ZSWIM5: variants seen among roughly 807,000 people sequenced by gnomAD.
The protein encoded by ZSWIM5 is zinc finger SWIM-type containing 5.
In ZSWIM5, 55 loss-of-function variants were observed where a neutral mutation model predicts 119.6. That is an observed-to-expected ratio of 0.46 (90% CI 0.37 to 0.58). The LOEUF is 0.58. Ranked by LOEUF, ZSWIM5 falls within the 20% of genes least tolerant of loss-of-function variation. ZSWIM5 has a pLI of 0.00. For missense variants in ZSWIM5, 1,193 were observed against 1,512.8 expected (o/e 0.79, Z 3.51); for synonymous variants, 537 against 606.9 (o/e 0.88, Z 1.69).
chr1:45,045,104 G>A (rs556460884), intron 5 of ZSWIM5, among the ~76,000 whole-genome samples: 20 of 151,616 alleles, frequency 1.3e-4, no homozygotes, highest in Non-Finnish European at 2.6e-4. Flanking sequence ...AGGGCTGCAG[G>A]GAAACCAAAA....
intron 1 of ZSWIM5, among the ~76,000 whole-genome samples, chr1:45,104,906 G>A (rs1011474573): frequency 4.6e-5 from 7 of 152,328 alleles, no homozygotes; most frequent in African/African-American, 7.2e-5. Flanking sequence ...TGAGGCTTCC[G>A]AAGCCCAGGT....
chr1:45,073,490 C>A (rs1645237128), intron 2 of ZSWIM5, among the ~76,000 whole-genome samples: 1 of 151,468 alleles, frequency 6.6e-6, no homozygotes, highest in South Asian at 2.1e-4. Flanking sequence ...AACTCCTGAC[C>A]TTAGGTGATC....
chr1:45,089,796 G>C (rs1342843152), intron 1 of ZSWIM5, among the ~76,000 whole-genome samples: 3 of 152,022 alleles, frequency 2.0e-5, no homozygotes, highest in Admixed American at 1.3e-4. Flanking sequence ...AACACAGTGA[G>C]ACCCTGTCTC....
Position 45,040,449 on chromosome 1 carries a change from T to G in ZSWIM5, c.1699A>C (p.Asn567His), listed in dbSNP as rs1221691793. ...CGCTGCTGCTGCAACCTCAGAGTAT[T>G]AATAATGGCCACTGTGAGTCTGAGG... is the stretch of plus-strand genomic sequence containing the variant. ...EALRLTVAIINTLRLQQQRQL... is the reference protein window; with the variant it reads ...EALRLTVAIIHTLRLQQQRQL... Residue 567 changes from asparagine to histidine, a missense_variant, in exon 7 of 14, where the codon AAT (asparagine) becomes CAT (histidine). By Grantham distance (68) the Asn-to-His change is moderately conservative. Transcript: ENST00000359600. The G allele has an allele frequency of 1.4e-5, 23 of 1,612,116 alleles. No individual in the cohort carries two copies. The highest frequency in any genetic ancestry group is 2.0e-5 in the Non-Finnish European group (23 of 1,179,224).
chr1:45,048,957 C>G (rs372360923), intron 5 of ZSWIM5, among the ~76,000 whole-genome samples: 3 of 152,186 alleles, frequency 2.0e-5, no homozygotes, highest in African/African-American at 2.4e-5. Context: ...CCTGTCTCTA[C>G]AAAAAATACA....
At chr1:45,165,506 C>CA (rs1285731200) in intron 1 of ZSWIM5, among the ~76,000 whole-genome samples, 20 of 151,900 alleles carry the variant, frequency 1.3e-4, no homozygotes, top group Non-Finnish European at 2.5e-4. Context: ...AAAAACCCTT[C>CA]AAAAAATCAA....
At position 45,088,459 on chromosome 1, in the gene ZSWIM5, C is replaced by T. The variant is rs1434809261; in HGVS notation, c.596-222G>A. On this transcript the variant is annotated intron_variant, in intron 1 of 13. Coordinates refer to ENST00000359600, the MANE Select transcript of ZSWIM5 (RefSeq NM_020883.2). This position sits in a 1 kb window ranked among gnomAD's most constrained non-coding sequence, Gnocchi z 4.2. ...TCCTCACCCTGGAGTTCGTGAACCTCCTGAACTCACACTGATATGAAAACT... is the reference window on the plus strand; with the variant it reads ...TCCTCACCCTGGAGTTCGTGAACCTTCTGAACTCACACTGATATGAAAACT... Among the ~76,000 whole-genome samples, 1 of 152,196 alleles carries T rather than the reference C, an allele frequency of 6.6e-6. No individual in the cohort carries two copies. Among genetic ancestry groups the T allele is most frequent in the Non-Finnish European group, 1.5e-5 (1 of 68,036 alleles).
chr1:45,147,843 A>C (rs1645771999), intron 1 of ZSWIM5, among the ~76,000 whole-genome samples: 1 of 152,132 alleles, frequency 6.6e-6, no homozygotes, highest in African/African-American at 2.4e-5. Context: ...CTTTTTAATG[A>C]ACTCCAAAAA....
chr1:45,170,771 T>A (rs1026150922), intron 1 of ZSWIM5, among the ~76,000 whole-genome samples: 2 of 149,030 alleles, frequency 1.3e-5, no homozygotes, highest in Non-Finnish European at 3.0e-5. Context: ...TGAGATGGGG[T>A]CTTGCTTTGT....
At position 45,206,387 on chromosome 1, in the gene ZSWIM5, C is replaced by G; in HGVS notation, c.-37G>C. ...GACTGACTGACTGAGGCGGCGGCGG[C>G]TGCTCGGGCTGCGGCGGAGACCCTG... On this transcript the variant is annotated 5_prime_UTR_variant, in exon 1 of 14. Transcript: ENST00000359600. 1 of 1,354,338 alleles carries G rather than the reference C, an allele frequency of 7.4e-7. No individual in the cohort carries two copies. The highest frequency in any genetic ancestry group is 9.5e-7 in the Non-Finnish European group (1 of 1,056,560). 83.9% of individuals were successfully genotyped at this position (1,354,338 alleles called of 1,614,324 possible). A position where few individuals can be genotyped will look rare whatever the true frequency, so the allele number is the denominator to read the frequency against.
rs1359336950 is a variant in ZSWIM5 at position 45,060,176 on chromosome 1, T to C, written c.1024A>G (p.Lys342Glu). The C allele has an allele frequency of 6.2e-7, 1 of 1,614,178 alleles. No individual in the cohort carries two copies. Among genetic ancestry groups the C allele is most frequent in the African/African-American group, 1.3e-5 (1 of 75,048 alleles). ...NCWHLDEEQV[K>E]EQVKLFLSQG... ...GAGAGAAAAAGCTTCACTTGTTCTTTCACCTGTTCTTCATCCAAATGCCAA... is the reference window on the plus strand; with the variant it reads ...GAGAGAAAAAGCTTCACTTGTTCTTCCACCTGTTCTTCATCCAAATGCCAA... Residue 342 changes from lysine to glutamate, a missense_variant, in exon 3 of 14, where the codon AAA (lysine) becomes GAA (glutamate). By Grantham distance (56) the Lys-to-Glu change is moderately conservative. Around this residue, in one of 2 missense-constraint regions of ZSWIM5, gnomAD observed 961 missense variants for 1,290.0 expected, o/e 0.74. Coordinates refer to ENST00000359600, the MANE Select transcript of ZSWIM5 (RefSeq NM_020883.2).
At chr1:45,032,715 G>A (rs1250838209) in intron 11 of ZSWIM5, among the ~76,000 whole-genome samples, 1 of 151,584 alleles carries the variant, frequency 6.6e-6, no homozygotes, top group Non-Finnish European at 1.5e-5. Flanking sequence ...TCAAACTCCT[G>A]ATCTCAAGTG....
At position 45,058,469 on chromosome 1, in the gene ZSWIM5, G is replaced by A. The variant is rs1557751554; in HGVS notation, c.1252+140C>T. The A allele has an allele frequency of 5.3e-6, 5 of 943,288 alleles. No homozygotes were observed. In the South Asian group the frequency reaches 8.4e-5, roughly 16 times the overall value. The allele number at this position is 943,288 out of a possible 1,614,324, so 58.4% of individuals were successfully genotyped here. A position where few individuals can be genotyped will look rare whatever the true frequency, so the allele number is the denominator to read the frequency against. On this transcript the variant is annotated intron_variant, in intron 4 of 13. Transcript: ENST00000359600. Reference sequence around the variant, plus strand: ...AAAAGTGAGTTCAGTGTTACTCTGGGTGGCCTCTGTAGAACCTAAGTCTTC... The same window carrying A: ...AAAAGTGAGTTCAGTGTTACTCTGGATGGCCTCTGTAGAACCTAAGTCTTC...
intron 1 of ZSWIM5, among the ~76,000 whole-genome samples, chr1:45,195,690 T>C (rs61789774): frequency 0.069 from 10,453 of 152,158 alleles, 453 homozygotes; most frequent in Non-Finnish European, 0.1. Flanking sequence ...GAGACATTCT[T>C]TGAGTAGTTA....
chr1:45,060,062 G>A (rs752816838), intron 3 of ZSWIM5, 37 bp downstream of exon 3: 1 of 1,611,914 alleles, frequency 6.2e-7, no homozygotes, highest in South Asian at 1.1e-5. Context: ...AGCTTCTTTT[G>A]TCAACAACAA....
intron 1 of ZSWIM5, among the ~76,000 whole-genome samples, chr1:45,171,239 C>T (rs1645944538): frequency 6.6e-6 from 1 of 152,020 alleles, no homozygotes; most frequent in South Asian, 2.1e-4. Flanking sequence ...GGTACATTTT[C>T]AATTCTCTAA....
At chr1:45,153,587 C>A (rs1316117228) in intron 1 of ZSWIM5, among the ~76,000 whole-genome samples, 1 of 151,682 alleles carries the variant, frequency 6.6e-6, no homozygotes, top group Non-Finnish European at 1.5e-5. Context: ...GAAAATAAAT[C>A]ATTCCACCAA....
At chr1:45,058,489 G>A (rs1217525102) in intron 4 of ZSWIM5, 120 bp downstream of exon 4, 2 of 1,298,632 alleles carry the variant, frequency 1.5e-6, no homozygotes, top group African/African-American at 2.9e-5. Flanking sequence ...TAGAACCTAA[G>A]TCTTCTACCA....
intron 5 of ZSWIM5, among the ~76,000 whole-genome samples, chr1:45,044,776 AAT>A (rs1218064389): frequency 1.8e-3 from 2 of 1,110 alleles, no homozygotes; most frequent in Non-Finnish European, 3.7e-3. Flanking sequence ...TATATATATA[AAT>A]ATATATATAT....
Sources: allele counts gnomAD v4.1 joint callset (sites outside exome capture counted in the v4.1 genomes callset), GRCh38; gene constraint gnomAD v4.1.1; regional missense constraint gnomAD v4.1.1; non-coding constraint Gnocchi (gnomAD v3.1); transcripts MANE v1.5; gene names NCBI Gene and HGNC (gene_info 2026-07-23, HGNC 2026-07-21).